The following SAMD3 variants were observed in gnomAD, a reference collection of about 807,000 sequenced individuals.
The protein encoded by SAMD3 is sterile alpha motif domain containing 3, also known as sterile alpha motif domain-containing protein 3.
Under a neutral mutation model 58.5 loss-of-function variants are expected in SAMD3, and 63 were observed. The observed-to-expected ratio is 1.08, with a 90% confidence interval of 0.88 to 1.33. The LOEUF (loss-of-function observed/expected upper bound fraction) is 1.33, where lower values mean the gene tolerates loss of function less well. SAMD3 is among the 40% of genes most tolerant of loss of function. The pLI, the probability that SAMD3 is intolerant of heterozygous loss-of-function variation, is 0.00. For synonymous variants in SAMD3, 220 were observed against 210.3 expected (o/e 1.05, Z -0.40); for missense variants, 604 against 608.4 (o/e 0.99, Z 0.08).
intron 2 of SAMD3, among the ~76,000 whole-genome samples, chr6:130,251,678 C>T (rs1467407187): frequency 1.3e-5 from 2 of 152,126 alleles, no homozygotes; most frequent in African/African-American, 2.4e-5. Flanking sequence ...ATCACTTAAT[C>T]CTAGAGGTGA....
At chr6:130,150,344 C>T (rs1789040035) in intron 9 of SAMD3, among the ~76,000 whole-genome samples, 1 of 152,128 alleles carries the variant, frequency 6.6e-6, no homozygotes, top group Non-Finnish European at 1.5e-5. Context: ...GAATCAGCAT[C>T]CAGCATACAG....
intron 1 of SAMD3, among the ~76,000 whole-genome samples, chr6:130,360,074 T>C (rs770629123): frequency 6.6e-6 from 1 of 152,320 alleles, no homozygotes; most frequent in South Asian, 2.1e-4. Flanking sequence ...AGAATAAATG[T>C]AATGTCTAAG....
chr6:130,226,576 C>T (rs907086449), upstream of SAMD3, among the ~76,000 whole-genome samples: 1 of 152,208 alleles, frequency 6.6e-6, no homozygotes, highest in African/African-American at 2.4e-5. Flanking sequence ...CCTGTAATCC[C>T]AGCACTTTGG....
At chr6:130,231,088 T>C (rs1341276125) in intron 2 of SAMD3, among the ~76,000 whole-genome samples, 2 of 152,168 alleles carry the variant, frequency 1.3e-5, no homozygotes, top group Admixed American at 6.5e-5. Flanking sequence ...GTTATGATAA[T>C]AGAAATAACA....
intron 1 of SAMD3, among the ~76,000 whole-genome samples, chr6:130,316,267 G>A (rs1182036740): frequency 3.6e-5 from 5 of 137,732 alleles, no homozygotes; most frequent in East Asian, 2.1e-4. Flanking sequence ...TTCCAGCCTA[G>A]GCAACAGAGC....
intron 2 of SAMD3, among the ~76,000 whole-genome samples, chr6:130,263,413 A>T (rs1363132034): frequency 6.6e-6 from 1 of 152,166 alleles, no homozygotes; most frequent in Non-Finnish European, 1.5e-5. Flanking sequence ...GAAAGAAGAA[A>T]AACTCGAGCC....
chr6:130,202,209 G>A (rs1007530619), intron 5 of SAMD3, among the ~76,000 whole-genome samples: 5 of 152,122 alleles, frequency 3.3e-5, no homozygotes, highest in Non-Finnish European at 5.9e-5. Context: ...TAGGGTCCCT[G>A]CTCTAATATC....
intron 5 of SAMD3, among the ~76,000 whole-genome samples, chr6:130,195,374 C>G (rs928789677): frequency 6.6e-6 from 1 of 152,146 alleles, no homozygotes; most frequent in Non-Finnish European, 1.5e-5. Flanking sequence ...TGTTATCACT[C>G]GCCTGCTACA....
At chr6:130,339,314 T>C (rs995092012) in intron 1 of SAMD3, among the ~76,000 whole-genome samples, 1 of 152,178 alleles carries the variant, frequency 6.6e-6, no homozygotes, top group African/African-American at 2.4e-5. Context: ...CCCAAAGTGC[T>C]GGGATTACAG....
At chr6:130,150,691 C>T (rs1388243872) in intron 9 of SAMD3, among the ~76,000 whole-genome samples, 3 of 150,560 alleles carry the variant, frequency 2.0e-5, no homozygotes, top group Non-Finnish European at 4.4e-5. Flanking sequence ...TCTGCAGGGT[C>T]TCTACACACT....
intron 2 of SAMD3, among the ~76,000 whole-genome samples, chr6:130,233,088 A>G (rs184533840): frequency 7.5e-4 from 114 of 152,228 alleles, no homozygotes; most frequent in Non-Finnish European, 1.2e-3. Context: ...AATCTCCCAT[A>G]GGGCTTCCCC....
intron 1 of SAMD3, among the ~76,000 whole-genome samples, chr6:130,320,730 A>T (rs1395301240): frequency 6.6e-6 from 1 of 152,212 alleles, no homozygotes; most frequent in African/African-American, 2.4e-5. Flanking sequence ...CAAAACAATT[A>T]TGCTGATTAT....
chr6:130,151,176 T>G (rs1340819757), intron 9 of SAMD3, among the ~76,000 whole-genome samples: 1 of 152,142 alleles, frequency 6.6e-6, no homozygotes, highest in Non-Finnish European at 1.5e-5. Flanking sequence ...TGCAGCTCCA[T>G]GAGACCTCCG....
chr6:130,147,007 G>A (rs1788696233), intron 9 of SAMD3, among the ~76,000 whole-genome samples: 1 of 152,076 alleles, frequency 6.6e-6, no homozygotes, highest in Non-Finnish European at 1.5e-5. Context: ...CAATGTATGT[G>A]CAGATTTGAC....
At chr6:130,345,869 G>A (rs1274630676) in intron 1 of SAMD3, among the ~76,000 whole-genome samples, 1 of 152,176 alleles carries the variant, frequency 6.6e-6, no homozygotes, top group Non-Finnish European at 1.5e-5. Context: ...ATCTGTCATG[G>A]GTCATGTGTC....
intron 5 of SAMD3, among the ~76,000 whole-genome samples, chr6:130,197,505 T>A (rs924231643): frequency 6.6e-6 from 1 of 152,226 alleles, no homozygotes; most frequent in Non-Finnish European, 1.5e-5. Flanking sequence ...TTCTTAGACC[T>A]TTTATACCTA....
intron 2 of SAMD3, among the ~76,000 whole-genome samples, chr6:130,303,931 G>T (rs995139218): frequency 2.6e-5 from 4 of 151,840 alleles, no homozygotes; most frequent in African/African-American, 9.7e-5. Context: ...TTAACATAAG[G>T]TTTTAATTTT....
intron 2 of SAMD3, among the ~76,000 whole-genome samples, chr6:130,288,973 G>T (rs954288406): frequency 6.6e-6 from 1 of 152,144 alleles, no homozygotes; most frequent in African/African-American, 2.4e-5. Context: ...TAACTTCTAT[G>T]CGCCCTTCTA....
At chr6:130,172,662 G>T (rs987715704) in intron 8 of SAMD3, among the ~76,000 whole-genome samples, 1 of 152,094 alleles carries the variant, frequency 6.6e-6, no homozygotes, top group African/African-American at 2.4e-5. Context: ...TTCAACCCTG[G>T]TGAGTCTGAC....
Sources: allele counts gnomAD v4.1 joint callset (sites outside exome capture counted in the v4.1 genomes callset), GRCh38; gene constraint gnomAD v4.1.1; transcripts MANE v1.5; gene names NCBI Gene and HGNC (gene_info 2026-07-23, HGNC 2026-07-21).